SSH2: variants seen among roughly 807,000 people sequenced by gnomAD.
SSH2 encodes the protein slingshot protein phosphatase 2, also known as protein phosphatase Slingshot homolog 2.
In SSH2, 37 loss-of-function variants were observed where a neutral mutation model predicts 135.2. The ratio of observed to expected loss-of-function variants is 0.27; its 90% confidence interval spans 0.21 to 0.36. The LOEUF (loss-of-function observed/expected upper bound fraction) is 0.36. Among genes scored for constraint, SSH2 ranks in the 10% least tolerant of loss-of-function variants. The pLI, the probability that SSH2 is intolerant of heterozygous loss-of-function variation, is 1.00. For missense variants in SSH2, 1,408 were observed against 1,765.3 expected, an observed-to-expected ratio of 0.80 and a Z score of 3.63; for synonymous variants, 628 against 646.2, an observed-to-expected ratio of 0.97 and a Z score of 0.43.
At chr17:29,810,221 TA>T (rs2042417701) in intron 2 of SSH2, among the ~76,000 whole-genome samples, 1 of 152,182 alleles carries the variant, frequency 6.6e-6, no homozygotes, top group Non-Finnish European at 1.5e-5. Context: ...AAAAAGATAG[TA>T]ATTCCTCAAA....
intron 13 of SSH2, among the ~76,000 whole-genome samples, chr17:29,650,378 C>T (rs1486132358): frequency 6.6e-6 from 1 of 152,172 alleles, no homozygotes; most frequent in African/African-American, 2.4e-5. Flanking sequence ...TTCCTTCTCT[C>T]ATTTCTGTAT....
In SSH2 at chr17:29,655,165, G is replaced by C. The variant is rs564643641; in HGVS notation, c.1079+396C>G. Among the ~76,000 whole-genome samples the C allele has an allele frequency of 2.6e-5, 4 of 151,920 alleles. No individual in the cohort carries two copies. In the East Asian group the frequency reaches 7.8e-4, roughly 29 times the overall value. ...GTCACCCTGGCTGGAGTGCAGTGGC[G>C]TGATCTTGGCTCACTGCAAGCTCCG... On this transcript the variant is annotated intron_variant, in intron 12 of 15. Coordinates refer to ENST00000540801, the MANE Select transcript of SSH2 (RefSeq NM_001282129.2).
intron 2 of SSH2, among the ~76,000 whole-genome samples, chr17:29,802,372 A>G (rs1220108274): frequency 6.6e-6 from 1 of 152,232 alleles, no homozygotes; most frequent in African/African-American, 2.4e-5. Context: ...GCAAAAGGAC[A>G]TACAAAATGT....
chr17:29,745,830 A>ACT (rs3214910), intron 3 of SSH2, among the ~76,000 whole-genome samples: 76,545 of 151,766 alleles, frequency 0.5, 19,691 homozygotes, highest in African/African-American at 0.55. Flanking sequence ...TGATGAGGAA[A>ACT]AAGGTTTAGG....
At chr17:29,665,525 C>T (rs1403549549) in intron 11 of SSH2, among the ~76,000 whole-genome samples, 3 of 152,230 alleles carry the variant, frequency 2.0e-5, no homozygotes, top group African/African-American at 7.2e-5. Context: ...AGCATTTATT[C>T]TCCTTCTCTT....
intron 1 of SSH2, among the ~76,000 whole-genome samples, chr17:29,894,705 C>T (rs1218429771): frequency 1.3e-5 from 2 of 152,008 alleles, no homozygotes; most frequent in African/African-American, 2.4e-5. Flanking sequence ...TCACCACCCA[C>T]TCCCACCACT....
At chr17:29,732,874 C>T (rs760425918) in intron 3 of SSH2, among the ~76,000 whole-genome samples, 5 of 152,178 alleles carry the variant, frequency 3.3e-5, no homozygotes, top group Non-Finnish European at 7.4e-5. Flanking sequence ...CTCTACCACA[C>T]ATAACTCTGG....
intron 1 of SSH2, among the ~76,000 whole-genome samples, chr17:29,885,814 G>A (rs1329355070): frequency 1.3e-5 from 2 of 152,274 alleles, no homozygotes; most frequent in East Asian, 3.9e-4. Flanking sequence ...GATTTCCCCT[G>A]CACATGGCTC....
At chr17:29,742,691 G>GTGCCATGATCTCAGCTCAC (rs1028731841) in intron 3 of SSH2, among the ~76,000 whole-genome samples, 2 of 151,830 alleles carry the variant, frequency 1.3e-5, no homozygotes, top group African/African-American at 4.8e-5. Flanking sequence ...CTGGAGTGCA[G>GTGCCATGATCTCAGCTCAC]TGCCATGATC....
At chr17:29,780,087 C>T (rs1165295607) in intron 3 of SSH2, among the ~76,000 whole-genome samples, 3 of 151,336 alleles carry the variant, frequency 2.0e-5, no homozygotes, top group Admixed American at 1.3e-4. Flanking sequence ...CATGATGGCA[C>T]GTGTCTGTAA....
intron 8 of SSH2, among the ~76,000 whole-genome samples, chr17:29,675,115 T>C (rs2038960598): frequency 1.3e-5 from 2 of 152,198 alleles, no homozygotes; most frequent in Admixed American, 1.3e-4. Flanking sequence ...GGGTCATAAA[T>C]TTCCTGTTTT....
At position 29,727,532 on chromosome 17, in the gene SSH2, G is replaced by A. The variant is rs1223547985; in HGVS notation, c.189-24470C>T. Among the ~76,000 whole-genome samples the A allele has an allele frequency of 2.6e-5, 4 of 152,300 alleles. No homozygotes were observed. The East Asian group carries it at 7.7e-4, about 29-fold the overall frequency. ...GAATGAAAAGATAATTTACGTTAAA[G>A]ATGAACCACAGGCTATCCCTAGGAA... On this transcript the variant is annotated intron_variant, in intron 3 of 15. Transcript: ENST00000540801.
At chr17:29,695,570 T>C (rs754601775) in intron 4 of SSH2, 47 bp from the exon 5 acceptor site, 5 of 1,530,644 alleles carry the variant, frequency 3.3e-6, no homozygotes, top group Non-Finnish European at 4.5e-6. Flanking sequence ...CATTCTAATG[T>C]TGACAGAGAG....
At chr17:29,754,733 C>G (rs1003608161) in intron 3 of SSH2, among the ~76,000 whole-genome samples, 1 of 152,124 alleles carries the variant, frequency 6.6e-6, no homozygotes, top group African/African-American at 2.4e-5. Context: ...GTGGCACCAT[C>G]TCGGCTCACT....
chr17:29,748,736 T>C (rs1038337584), intron 3 of SSH2, among the ~76,000 whole-genome samples: 1 of 152,104 alleles, frequency 6.6e-6, no homozygotes, highest in Non-Finnish European at 1.5e-5. Context: ...GGAATAAAAC[T>C]TCTTGGTTCT....
chr17:29,804,595 T>C (rs536282987), intron 2 of SSH2, among the ~76,000 whole-genome samples: 1 of 152,344 alleles, frequency 6.6e-6, no homozygotes, highest in Admixed American at 6.5e-5. Context: ...CCACTTGTGA[T>C]AATTTCAGAG....
At chr17:29,708,624 T>G (rs958373902) in intron 3 of SSH2, among the ~76,000 whole-genome samples, 2 of 149,298 alleles carry the variant, frequency 1.3e-5, no homozygotes, top group African/African-American at 4.9e-5. Context: ...AAAAAACCGG[T>G]TCTTTAGAAA....
intron 3 of SSH2, among the ~76,000 whole-genome samples, chr17:29,790,565 C>A (rs1407299108): frequency 6.6e-6 from 1 of 152,072 alleles, no homozygotes; most frequent in Non-Finnish European, 1.5e-5. Context: ...TTATGATTTG[C>A]AAATATTTTC....
intron 3 of SSH2, among the ~76,000 whole-genome samples, chr17:29,732,642 C>A (rs8066926): frequency 0.067 from 10,116 of 152,104 alleles, 1,083 homozygotes; most frequent in African/African-American, 0.23. Context: ...CTATATCAGC[C>A]AAGTTCACAC....
Sources: gnomAD v4.1 joint callset for allele counts (sites outside exome capture counted in the v4.1 genomes callset) on GRCh38, gnomAD v4.1.1 for gene constraint, MANE v1.5 for transcripts, NCBI Gene and HGNC (gene_info 2026-07-23, HGNC 2026-07-21) for gene names.